CAST: variants seen among roughly 807,000 people sequenced by gnomAD.
CAST encodes calpastatin, also known as MIR583 host.
A neutral mutation model predicts 119.6 loss-of-function variants in CAST; 76 were observed. That is an observed-to-expected ratio of 0.64 (90% confidence interval 0.53 to 0.77). CAST has a LOEUF of 0.77. Among genes scored for constraint, CAST ranks in the 30% least tolerant of loss-of-function variants. The pLI, the probability that CAST is intolerant of heterozygous loss-of-function variation, is 0.00. For synonymous variants in CAST, 319 were observed against 331.6 expected (o/e 0.96, Z 0.41); for missense variants, 953 against 946.5 (o/e 1.01, Z -0.09).
the CAST span, among the ~76,000 whole-genome samples, chr5:96,015,619 A>G: frequency 6.6e-6 from 1 of 152,296 alleles, no homozygotes; most frequent in East Asian, 1.9e-4. Flanking sequence ...CTGATTTGCC[A>G]ACCTTATCCA....
intron 3 of CAST, among the ~76,000 whole-genome samples, chr5:96,721,892 A>G: frequency 6.6e-6 from 1 of 152,152 alleles, no homozygotes; most frequent in East Asian, 1.9e-4. Flanking sequence ...AATAGTTACT[A>G]TTTATCACCT....
the CAST span, among the ~76,000 whole-genome samples, chr5:96,426,898 C>T: frequency 1.3e-5 from 2 of 152,108 alleles, no homozygotes; most frequent in Admixed American, 6.6e-5. Context: ...TACTGCAAAC[C>T]TATTAAAAAT....
intron 3 of CAST, among the ~76,000 whole-genome samples, chr5:96,712,839 T>A (rs1322761713): frequency 6.6e-6 from 1 of 152,178 alleles, no homozygotes; most frequent in Non-Finnish European, 1.5e-5. Flanking sequence ...GTTGGCTTTT[T>A]AATTAAGAAT....
In CAST at chr5:96,566,412, A is replaced by G. The variant is rs114677647; in HGVS notation, c.60+36532A>G. 7.2e-3 allele frequency among the ~76,000 whole-genome samples: 1,097 copies of G among 152,356 alleles called. 25 individuals carry two copies. Among genetic ancestry groups the G allele is most frequent in the African/African-American group, 0.026 (1,068 of 41,580 alleles). On this transcript the variant is annotated intron_variant, in intron 1 of 11. Transcript: ENST00000505143. ...AAGACATTAGTGAAAAGACGTGACA[A>G]GGTGATGCTAATCTATCACTGATGA...
chr5:96,243,800 C>T, the CAST span, among the ~76,000 whole-genome samples: 11 of 152,078 alleles, frequency 7.2e-5, no homozygotes, highest in Admixed American at 3.3e-4. Flanking sequence ...AAAACTACCC[C>T]GACCTCTCCC....
intron 9 of CAST, among the ~76,000 whole-genome samples, chr5:96,735,924 T>A (rs937396166): frequency 1.3e-5 from 2 of 152,174 alleles, no homozygotes; most frequent in African/African-American, 4.8e-5. Flanking sequence ...CTTCATTCTG[T>A]CCCTTACTGT....
intron 1 of CAST, among the ~76,000 whole-genome samples, chr5:96,544,014 GCTT>G (rs904825030): frequency 6.6e-6 from 1 of 152,112 alleles, no homozygotes; most frequent in African/African-American, 2.4e-5. Flanking sequence ...CCTCCACCTT[GCTT>G]CTTCTTCAAT....
chr5:96,068,543 G>A, the CAST span, among the ~76,000 whole-genome samples: 1 of 151,344 alleles, frequency 6.6e-6, no homozygotes, highest in Non-Finnish European at 1.5e-5. Context: ...GGACTAGTAA[G>A]GAACCCTGTA....
chr5:96,148,177 G>A, the CAST span, among the ~76,000 whole-genome samples: 1 of 152,132 alleles, frequency 6.6e-6, no homozygotes, highest in Non-Finnish European at 1.5e-5. Flanking sequence ...AAAACCTCAG[G>A]AACATGCTAT....
the CAST span, among the ~76,000 whole-genome samples, chr5:96,160,796 C>T: frequency 6.6e-6 from 1 of 152,168 alleles, no homozygotes; most frequent in African/African-American, 2.4e-5. Flanking sequence ...TTATAATATT[C>T]ACCCTACTGG....
At chr5:96,616,867 T>A (rs1236934371) in intron 1 of CAST, among the ~76,000 whole-genome samples, 2 of 151,084 alleles carry the variant, frequency 1.3e-5, no homozygotes, top group African/African-American at 4.9e-5. Flanking sequence ...ATCAAAAAAA[T>A]TTTTGGTAGT....
At chr5:96,325,378 C>CTTCTTTCT in the CAST span, among the ~76,000 whole-genome samples, 16 of 150,074 alleles carry the variant, frequency 1.1e-4, no homozygotes, top group African/African-American at 3.4e-4. Flanking sequence ...TCTTTTCTTT[C>CTTCTTTCT]TTCTTTCTTT....
the CAST span, among the ~76,000 whole-genome samples, chr5:96,147,221 G>A: frequency 2.0e-5 from 3 of 151,948 alleles, no homozygotes; most frequent in Admixed American, 1.3e-4. Flanking sequence ...GGTTTTATTC[G>A]TAGTTTTCTA....
chr5:96,754,158 C>G lies in CAST; in HGVS notation c.1623C>G (p.Val541=). ...PEDGKPVMDK[V]KEKAKEEDRE... is the part of the protein sequence containing the mutation. The stretch of plus-strand genomic sequence containing the variant: ...ATGGAAAACCTGTGATGGATAAAGT[C>G]AAGGTAATGGCAACTGAGATGCTTC... The change falls in exon 21 of 32, where the codon GTC becomes GTG. Residue 541 remains valine, a synonymous_variant. Coordinates refer to ENST00000675179, the MANE Select transcript of CAST (RefSeq NM_001750.7). The G allele has an allele frequency of 6.3e-7, 1 of 1,582,656 alleles. No homozygotes were observed. Among genetic ancestry groups the G allele is most frequent in the Non-Finnish European group, 8.7e-7 (1 of 1,151,326 alleles).
the CAST span, among the ~76,000 whole-genome samples, chr5:96,145,357 A>T: frequency 6.7e-6 from 1 of 149,966 alleles, no homozygotes; most frequent in Non-Finnish European, 1.5e-5. Context: ...TCCCTTAACT[A>T]AACTCTATTG....
the CAST span, among the ~76,000 whole-genome samples, chr5:96,414,190 G>A: frequency 2.6e-5 from 4 of 151,598 alleles, no homozygotes; most frequent in Non-Finnish European, 5.9e-5. Context: ...TGGAATCTTG[G>A]GCAAGCCAGT....
chr5:96,442,345 T>G, the CAST span, among the ~76,000 whole-genome samples: 1 of 152,222 alleles, frequency 6.6e-6, no homozygotes, highest in African/African-American at 2.4e-5. Flanking sequence ...TAGCCCATAG[T>G]AAGTACTCAA....
Position 96,740,068 on chromosome 5 carries a change from T to C in CAST, c.829T>C (p.Leu277=), listed in dbSNP as rs1307941147. ...DPMSSTYIEE[L]GKREVTIPPK... The stretch of plus-strand genomic sequence containing the variant: ...AATGAGTTCCACCTACATAGAGGAA[T>C]TGGGTAAAAGAGAAGTCACAATTCC... Residue 277 remains leucine (L), a synonymous_variant, in exon 12 of 32, where the codon TTG becomes CTG. Transcript: ENST00000675179. 1.3e-6 allele frequency: 2 copies of C among 1,581,606 alleles called. No homozygotes were observed. The highest frequency in any genetic ancestry group is 1.7e-6 in the Non-Finnish European group (2 of 1,156,286).
At chr5:96,002,713 T>G in the CAST span, among the ~76,000 whole-genome samples, 17 of 152,298 alleles carry the variant, frequency 1.1e-4, 1 homozygote, top group South Asian at 3.5e-3. Context: ...AAACAATAGA[T>G]GCCTACTACA....
Sources: allele counts gnomAD v4.1 joint callset (sites outside exome capture counted in the v4.1 genomes callset), GRCh38; gene constraint gnomAD v4.1.1; transcripts MANE v1.5; gene names NCBI Gene and HGNC (gene_info 2026-07-23, HGNC 2026-07-21).